Variants in ARFGAP2 observed in about 807,000 individuals in gnomAD.
The protein encoded by ARFGAP2 is ARF GTPase activating protein 2.
ARFGAP2 carries 45 observed loss-of-function variants against 71.9 expected under a neutral mutation model. That is an observed-to-expected ratio of 0.63 (90% CI 0.49 to 0.80). The LOEUF is 0.80. ARFGAP2 is among the 30% of genes least tolerant of loss of function. The probability of loss-of-function intolerance (pLI) is 0.00; values close to 1 mark genes in which losing one functional copy is unlikely to be tolerated. For missense variants in ARFGAP2, 633 were observed against 673.9 expected (o/e 0.94, Z 0.67); for synonymous variants, 248 against 249.2 (o/e 1.00, Z 0.05).
At chr11:47,174,007 G>A (rs1291559931) in intron 5 of ARFGAP2, 167 bp from the exon 6 acceptor site, 12 of 1,357,170 alleles carry the variant, frequency 8.8e-6, no homozygotes, top group Non-Finnish European at 1.0e-6. Context: ...GTGGAAGAAA[G>A]CAGGAAGACA....
At chr11:47,167,604 CTA>C (rs555736882) in intron 12 of ARFGAP2, among the ~76,000 whole-genome samples, 324 of 152,304 alleles carry the variant, frequency 2.1e-3, no homozygotes, top group African/African-American at 7.5e-3. Context: ...GCCAGGCCCT[CTA>C]TGATGACAAA....
intron 7 of ARFGAP2, among the ~76,000 whole-genome samples, chr11:47,172,918 G>A (rs1036393754): frequency 6.6e-6 from 1 of 152,196 alleles, no homozygotes; most frequent in Non-Finnish European, 1.5e-5. Context: ...CAACCCCCAA[G>A]AGTCAACAGA....
chr11:47,175,811 G>A (rs1952788196), intron 3 of ARFGAP2, 40 bp downstream of exon 3: 1 of 1,612,210 alleles, frequency 6.2e-7, no homozygotes, highest in African/African-American at 1.3e-5. Context: ...TAGTAACCAG[G>A]CAGAAGAATG....
At chr11:47,172,085 C>T (rs562608636) in intron 8 of ARFGAP2, 196 bp downstream of exon 8, 4 of 728,152 alleles carry the variant, frequency 5.5e-6, no homozygotes, top group African/African-American at 5.3e-5. Context: ...TCCATCTCAC[C>T]GACTCCTCCC....
In ARFGAP2 at chr11:47,164,797, C is replaced by G. The variant is rs1952286489; in HGVS notation, c.*685G>C. The G allele has an allele frequency of 6.5e-6, 1 of 152,694 alleles. No individual in the cohort carries two copies. Among genetic ancestry groups the G allele is most frequent in the South Asian group, 2.1e-4 (1 of 4,834 alleles). 9.5% of individuals were successfully genotyped at this position (152,694 alleles called of 1,614,324 possible). On this transcript the variant is annotated 3_prime_UTR_variant, in exon 16 of 16. Coordinates refer to ENST00000524782, the MANE Select transcript of ARFGAP2 (RefSeq NM_032389.6). ...GATGGTACAGAGGGACCCTGAGACACCCTGAAACAATCTTCCAAGTGCTTA... is the reference window on the plus strand; with the variant it reads ...GATGGTACAGAGGGACCCTGAGACAGCCTGAAACAATCTTCCAAGTGCTTA...
At chr11:47,174,968 T>G in intron 5 of ARFGAP2, 47 bp downstream of exon 5, 1 of 1,596,942 alleles carries the variant, frequency 6.3e-7, no homozygotes, top group Non-Finnish European at 8.6e-7. Flanking sequence ...CCTTGGTAAA[T>G]TGCCTGTCAA....
chr11:47,171,852 C>T (rs117845027), intron 8 of ARFGAP2, 52 bp from the exon 9 acceptor site: 47,635 of 1,601,896 alleles, frequency 0.03, 1,218 homozygotes, highest in South Asian at 0.12. Flanking sequence ...TCCTCAGATC[C>T]CTCCCAGGTT....
chr11:47,171,356 C>T (rs1366475756), intron 10 of ARFGAP2, 70 bp downstream of exon 10: 2 of 1,591,226 alleles, frequency 1.3e-6, no homozygotes, highest in East Asian at 2.2e-5. Flanking sequence ...TCCCAAACTG[C>T]TAGGAAGGCC....
Position 47,171,517 on chromosome 11 carries a change from C to G in ARFGAP2, c.850G>C (p.Asp284His). The change falls in exon 10 of 16, where the codon GAT becomes CAT. Residue 284 changes from aspartate (D) to histidine (H), a missense_variant. Coordinates refer to ENST00000524782, the MANE Select transcript of ARFGAP2 (RefSeq NM_032389.6). The stretch of plus-strand genomic sequence containing the variant: ...AGCTTCTTTTCCTCTTTCTTACGAT[C>G]AATCTGGAGCTCCTGGTAGGCCAGA... ...MRLAYQELQI[D>H]RKKEEKKLQN... 2 of 1,614,206 alleles carry G rather than the reference C, an allele frequency of 1.2e-6. No individual in the cohort carries two copies. The highest frequency in any genetic ancestry group is 1.7e-6 in the Non-Finnish European group (2 of 1,180,042).
Position 47,173,977 on chromosome 11 carries a change from G to T in ARFGAP2, c.481-137C>A, listed in dbSNP as rs914365158. On this transcript the variant is annotated intron_variant, in intron 5 of 15. Coordinates refer to ENST00000524782, the MANE Select transcript of ARFGAP2 (RefSeq NM_032389.6). ...AAAGGGACTGGAGGGTAGCAAACAAGATCACAGTTGCTATTCACTGTGGAA... is the reference window on the plus strand; with the variant it reads ...AAAGGGACTGGAGGGTAGCAAACAATATCACAGTTGCTATTCACTGTGGAA... The T allele has an allele frequency of 3.4e-6, 5 of 1,476,514 alleles. No individual in the cohort carries two copies. In the East Asian group the frequency reaches 1.2e-4, roughly 37 times the overall value. 91.5% of individuals were successfully genotyped at this position (1,476,514 alleles called of 1,614,324 possible).
intron 12 of ARFGAP2, 124 bp downstream of exon 12, chr11:47,167,785 A>G (rs1952441583): frequency 1.7e-5 from 22 of 1,269,558 alleles, no homozygotes; most frequent in Non-Finnish European, 2.3e-5. Flanking sequence ...ACCATATTAA[A>G]CAACACAGAG....
chr11:47,166,465 C>T (rs753014345), intron 14 of ARFGAP2, 41 bp downstream of exon 14: 2 of 1,612,102 alleles, frequency 1.2e-6, no homozygotes, highest in African/African-American at 2.7e-5. Flanking sequence ...CGCCCTGCTC[C>T]CAGGCCTCAC....
Position 47,175,112 on chromosome 11 carries a change from G to A in ARFGAP2, c.397-14C>T, listed in dbSNP as rs1240911194. 1 of 1,614,166 alleles carries A rather than the reference G, an allele frequency of 6.2e-7. No individual in the cohort carries two copies. The highest frequency in any genetic ancestry group is 2.2e-5 in the East Asian group (1 of 44,872). On this transcript the variant is annotated splice_polypyrimidine_tract_variant and intron_variant, in intron 4 of 15. Transcript: ENST00000524782. ...GTCTATCCAAAGCTAGAAAGGAGAA[G>A]ACACCCCTAAAACACAGGGCTCTGA...
In ARFGAP2 at chr11:47,166,497, G is replaced by A. The variant is rs761443437; in HGVS notation, c.1426+9C>T. 6.2e-7 allele frequency: 1 copy of A among 1,612,996 alleles called. No homozygotes were observed. Among genetic ancestry groups the A allele is most frequent in the Non-Finnish European group, 8.5e-7 (1 of 1,179,872 alleles). On this transcript the variant is annotated intron_variant, in intron 14 of 15. Transcript: ENST00000524782. ...TCACTTGGTGCCTGCCACCCCACCAGGGCCCTACCTGCTCCGTGAGCTCCA... is the reference window on the plus strand; with the variant it reads ...TCACTTGGTGCCTGCCACCCCACCAAGGCCCTACCTGCTCCGTGAGCTCCA...
At position 47,173,861 on chromosome 11, in the gene ARFGAP2, C is replaced by T. The variant is rs769214896; in HGVS notation, c.481-21G>A. 11 of 1,581,976 alleles carry T rather than the reference C, an allele frequency of 7.0e-6. No homozygotes were observed. In the South Asian group the frequency reaches 1.3e-4, roughly 18 times the overall value. ...GGGGGCTGAAAAGGAGGCCAGATCA[C>T]AGATGCCTCGGTGAGCCACTCCTGC... On this transcript the variant is annotated intron_variant, in intron 5 of 15. Coordinates refer to ENST00000524782, the MANE Select transcript of ARFGAP2 (RefSeq NM_032389.6).
chr11:47,173,609 ACCACT>A, intron 6 of ARFGAP2, 127 bp from the exon 7 acceptor site: 1 of 1,399,998 alleles, frequency 7.1e-7, no homozygotes, highest in Non-Finnish European at 9.6e-7. Flanking sequence ...AGGAATATCT[ACCACT>A]TCCTCCAAGG....
At position 47,176,840 on chromosome 11, in the gene ARFGAP2, G is replaced by C. The variant is rs1278211409; in HGVS notation, c.14C>G (p.Pro5Arg). Residue 5 changes from proline to arginine, a missense_variant, in exon 1 of 16, where the codon CCG becomes CGG. By Grantham distance (103) the Pro-to-Arg change is moderately radical (BLOSUM62 -2). Transcript: ENST00000524782. ...AAGAGTCTGGATTTCGGTCTTGTTC[G>C]GCTCCGCCGCCATTTTCTCTCCTTC... The part of the protein sequence containing the change: MAAE[P>R]NKTEIQTLFK... 1 of 1,613,538 alleles carries C rather than the reference G, an allele frequency of 6.2e-7. No homozygotes were observed. Among genetic ancestry groups the C allele is most frequent in the Admixed American group, 1.7e-5 (1 of 59,994 alleles).
intron 8 of ARFGAP2, 78 bp from the exon 9 acceptor site, chr11:47,171,878 C>T: frequency 6.4e-7 from 1 of 1,564,714 alleles, no homozygotes. Context: ...ACTGTAGCCA[C>T]ACCCACAAGG....
At chr11:47,173,515 C>A (rs747359957) in intron 6 of ARFGAP2, 33 bp from the exon 7 acceptor site, 12 of 1,530,850 alleles carry the variant, frequency 7.8e-6, no homozygotes, top group African/African-American at 2.8e-5. Flanking sequence ...TAGAGATGAG[C>A]TCCTAGCTTC....
Sources: gnomAD v4.1 joint callset for allele counts (sites outside exome capture counted in the v4.1 genomes callset) on GRCh38, gnomAD v4.1.1 for gene constraint, MANE v1.5 for transcripts, NCBI Gene and HGNC (gene_info 2026-07-23, HGNC 2026-07-21) for gene names.